MTR: variants seen among roughly 807,000 people sequenced by gnomAD.
The protein encoded by MTR is methionine synthase.
In MTR, 84 loss-of-function variants were observed where a neutral mutation model predicts 154.8. That is an observed-to-expected ratio of 0.54 (90% CI 0.45 to 0.65). MTR has a LOEUF of 0.65. MTR is among the 30% of genes least tolerant of loss of function. The pLI, the probability that MTR is intolerant of heterozygous loss-of-function variation, is 0.00. For missense variants in MTR, 1,275 were observed against 1,570.2 expected, an observed-to-expected ratio of 0.81 and a Z score of 3.18; for synonymous variants, 554 against 553.9, an observed-to-expected ratio of 1.00 and a Z score of 0.00.
chr1:236,817,968 A>G (rs909579963), intron 8 of MTR, among the ~76,000 whole-genome samples: 1 of 152,154 alleles, frequency 6.6e-6, no homozygotes, highest in Non-Finnish European at 1.5e-5. Flanking sequence ...TAGGGATGTC[A>G]TAAACGTTTA....
intron 12 of MTR, among the ~76,000 whole-genome samples, chr1:236,830,292 T>A (rs1662537036): frequency 6.6e-6 from 1 of 152,046 alleles, no homozygotes; most frequent in Non-Finnish European, 1.5e-5. Flanking sequence ...CAGAGAGAGG[T>A]GTGGCAGGAA....
intron 13 of MTR, among the ~76,000 whole-genome samples, chr1:236,835,010 T>G (rs1464887389): frequency 1.3e-5 from 2 of 152,198 alleles, no homozygotes; most frequent in African/African-American, 4.8e-5. Flanking sequence ...ATGAATACTT[T>G]CGGCAGATAC....
chr1:236,835,751 T>C (rs984886327), intron 14 of MTR, 64 bp downstream of exon 14: 2 of 1,600,822 alleles, frequency 1.2e-6, no homozygotes, highest in Non-Finnish European at 1.7e-6. Flanking sequence ...CATTTAACCG[T>C]GCCAGTTGTC....
At chr1:236,808,849 C>T (rs1383791541) in intron 4 of MTR, 76 bp downstream of exon 4, 18 of 1,383,746 alleles carry the variant, frequency 1.3e-5, no homozygotes, top group Non-Finnish European at 1.9e-5. Flanking sequence ...GTCCTTATTG[C>T]AGTTTTTCCT....
At chr1:236,888,631 G>T (rs1219278026) in intron 27 of MTR, among the ~76,000 whole-genome samples, 2 of 152,198 alleles carry the variant, frequency 1.3e-5, no homozygotes, top group Non-Finnish European at 2.9e-5. Flanking sequence ...TGGCAGAGTG[G>T]AGGATTATGT....
intron 27 of MTR, among the ~76,000 whole-genome samples, chr1:236,888,500 C>T (rs1238681749): frequency 1.3e-5 from 2 of 152,212 alleles, no homozygotes; most frequent in Non-Finnish European, 2.9e-5. Flanking sequence ...ACATAACCTA[C>T]CATCTGATTT....
chr1:236,821,267 G>A (rs1338375891), intron 8 of MTR, among the ~76,000 whole-genome samples: 1 of 152,186 alleles, frequency 6.6e-6, no homozygotes. Flanking sequence ...ATAACGACCC[G>A]TTCTTGAAAG....
chr1:236,796,566 G>A (rs532381687), intron 1 of MTR, among the ~76,000 whole-genome samples: 2 of 152,204 alleles, frequency 1.3e-5, no homozygotes, highest in East Asian at 3.9e-4. Context: ...TACTAAATTC[G>A]TAACGCACAA....
At chr1:236,862,932 A>G (rs1423441879) in intron 21 of MTR, among the ~76,000 whole-genome samples, 1 of 152,176 alleles carries the variant, frequency 6.6e-6, no homozygotes, top group Non-Finnish European at 1.5e-5. Context: ...ACAAACACAG[A>G]GTTTATAAAA....
Position 236,816,460 on chromosome 1 carries a change from G to T in MTR, c.681G>T (p.Thr227=). 1 of 1,614,070 alleles carries T rather than the reference G, an allele frequency of 6.2e-7. No homozygotes were observed. The change falls in exon 8 of 33, where the codon ACG becomes ACT. Residue 227 remains threonine, a synonymous_variant. Transcript: ENST00000366577. ...CTTTGTCAATTCAGATTTCAGGGACGATCGTTGATAAAAGTGGGCGGACTC... is the reference window on the plus strand; with the variant it reads ...CTTTGTCAATTCAGATTTCAGGGACTATCGTTGATAAAAGTGGGCGGACTC... ...YAPRPIFISG[T]IVDKSGRTLS... is the part of the protein sequence containing the mutation.
chr1:236,804,724 A>C (rs1218284274), intron 2 of MTR, among the ~76,000 whole-genome samples: 2 of 152,170 alleles, frequency 1.3e-5, no homozygotes, highest in Non-Finnish European at 2.9e-5. Flanking sequence ...ACCATACTCT[A>C]AATTGCTATT....
In MTR at chr1:236,890,656, C is replaced by T. The variant is rs184108641; in HGVS notation, c.3008-477C>T. 5.9e-5 allele frequency among the ~76,000 whole-genome samples: 9 copies of T among 152,218 alleles called. No homozygotes were observed. The East Asian group carries it at 1.7e-3, about 29-fold the overall frequency. ...GTTGAAGGCCCCAAATTGAAGAATC[C>T]CTTCAGAGGTTGTTACGGTCAAAAT... On this transcript the variant is annotated intron_variant, in intron 28 of 32. Coordinates refer to ENST00000366577, the MANE Select transcript of MTR (RefSeq NM_000254.3).
At chr1:236,836,275 C>G (rs1662900301) in intron 14 of MTR, among the ~76,000 whole-genome samples, 1 of 150,590 alleles carries the variant, frequency 6.6e-6, no homozygotes, top group Non-Finnish European at 1.5e-5. Flanking sequence ...TTTTTTTCCC[C>G]TCCTGAGGCA....
intron 4 of MTR, 101 bp from the exon 5 acceptor site, chr1:236,810,402 T>G: frequency 1.0e-6 from 1 of 971,000 alleles, no homozygotes; most frequent in South Asian, 1.3e-5. Flanking sequence ...GACAAAAGAT[T>G]ATAGACCTGT....
At chr1:236,874,028 G>GTT (rs1413989588) in intron 23 of MTR, among the ~76,000 whole-genome samples, 188 bp downstream of exon 23, 9 of 152,178 alleles carry the variant, frequency 5.9e-5, no homozygotes, top group African/African-American at 2.2e-4. Context: ...ACGAGAATGA[G>GTT]TAACTATGGA....
intron 24 of MTR, among the ~76,000 whole-genome samples, chr1:236,879,492 C>G (rs1665611057): frequency 6.6e-6 from 1 of 152,128 alleles, no homozygotes; most frequent in South Asian, 2.1e-4. Flanking sequence ...ACTGCTACTT[C>G]TGGGGAGGAG....
intron 22 of MTR, among the ~76,000 whole-genome samples, chr1:236,871,069 A>G (rs1318930748): frequency 6.6e-6 from 1 of 152,100 alleles, no homozygotes; most frequent in Non-Finnish European, 1.5e-5. Flanking sequence ...CAGATTTCTT[A>G]CTCCACTGTT....
chr1:236,864,968 G>C (rs1261261271), intron 22 of MTR, among the ~76,000 whole-genome samples: 1 of 152,202 alleles, frequency 6.6e-6, no homozygotes, highest in African/African-American at 2.4e-5. Flanking sequence ...CTTCCTAAAA[G>C]TGATTCTTGA....
intron 8 of MTR, chr1:236,819,637 T>C: frequency 1.9e-6 from 1 of 525,408 alleles, no homozygotes; most frequent in Non-Finnish European, 3.6e-6. Context: ...ACTTTCACAA[T>C]GTCCAGAGCC....
Sources: gnomAD v4.1 joint callset for allele counts (sites outside exome capture counted in the v4.1 genomes callset) on GRCh38, gnomAD v4.1.1 for gene constraint, MANE v1.5 for transcripts, NCBI Gene and HGNC (gene_info 2026-07-23, HGNC 2026-07-21) for gene names.